DDX4: variants seen among roughly 807,000 people sequenced by gnomAD.
DDX4 encodes the protein DEAD-box helicase 4, also known as probable ATP-dependent RNA helicase DDX4.
A neutral mutation model predicts 100.0 loss-of-function variants in DDX4; 25 were observed. The observed-to-expected ratio is 0.25, with a 90% CI of 0.18 to 0.35. The LOEUF (loss-of-function observed/expected upper bound fraction) is 0.35. Among genes scored for constraint, DDX4 ranks in the 10% least tolerant of loss-of-function variants. The pLI is 1.00. For missense variants in DDX4, 635 were observed against 882.4 expected, an observed-to-expected ratio of 0.72 and a Z score of 3.55; for synonymous variants, 259 against 275.7, an observed-to-expected ratio of 0.94 and a Z score of 0.60.
chr5:55,762,328 G>A (rs976607206), intron 4 of DDX4, among the ~76,000 whole-genome samples: 8 of 151,762 alleles, frequency 5.3e-5, no homozygotes, highest in African/African-American at 1.5e-4. Context: ...CTCTGCTCTC[G>A]AGATTTTTAA....
At position 55,790,594 on chromosome 5, in the gene DDX4, T is replaced by C. The variant is rs1227984694; in HGVS notation, c.1191T>C (p.Val397=). Residue 397 remains valine, a synonymous_variant, in exon 16 of 22, where the codon GTT becomes GTC. Transcript: ENST00000505374. ...TTAATAGGACTTGTGTAAGAGCTGT[T>C]GTTATATATGGGGGAACCCAGCTGG... ...KFSFGTCVRA[V]VIYGGTQLGH... is the part of the protein sequence containing the mutation. 6.3e-7 allele frequency: 1 copy of C among 1,596,138 alleles called. No individual in the cohort carries two copies. Among genetic ancestry groups the C allele is most frequent in the Admixed American group, 1.7e-5 (1 of 59,898 alleles).
At position 55,760,297 on chromosome 5, in the gene DDX4, C is replaced by T. The variant is rs766840526; in HGVS notation, c.205+20C>T. The T allele has an allele frequency of 6.5e-7, 1 of 1,540,780 alleles. No homozygotes were observed. The highest frequency in any genetic ancestry group is 2.5e-5 in the East Asian group (1 of 39,234). On this transcript the variant is annotated intron_variant, in intron 4 of 21. Coordinates refer to ENST00000505374, the MANE Select transcript of DDX4 (RefSeq NM_024415.3). ...ACAGAGGTAAGCATCTTTGTCTTTC[C>T]TTAATCTCCTGAACTGTTGAATAAT...
chr5:55,783,734 G>A (rs906682288), intron 10 of DDX4, among the ~76,000 whole-genome samples: 1 of 151,902 alleles, frequency 6.6e-6, no homozygotes, highest in Non-Finnish European at 1.5e-5. Flanking sequence ...GAATTGGCTC[G>A]TGAGATTATG....
At chr5:55,813,282 T>C (rs1744218083) in intron 18 of DDX4, among the ~76,000 whole-genome samples, 1 of 152,120 alleles carries the variant, frequency 6.6e-6, no homozygotes, top group African/African-American at 2.4e-5. Context: ...CATGGGAGAA[T>C]GAAAGATTGG....
chr5:55,739,673 C>T (rs1758873267), intron 2 of DDX4, among the ~76,000 whole-genome samples: 1 of 151,964 alleles, frequency 6.6e-6, no homozygotes, highest in Non-Finnish European at 1.5e-5. Flanking sequence ...TTTTTGTTCC[C>T]CTTCAGAATT....
intron 3 of DDX4, among the ~76,000 whole-genome samples, chr5:55,747,794 A>G (rs6877003): frequency 0.41 from 61,786 of 152,004 alleles, 14,052 homozygotes; most frequent in African/African-American, 0.59. Flanking sequence ...GAGTTACTAT[A>G]ACTTTACTAT....
At chr5:55,812,043 A>C (rs1744147671) in intron 18 of DDX4, among the ~76,000 whole-genome samples, 1 of 152,178 alleles carries the variant, frequency 6.6e-6, no homozygotes, top group African/African-American at 2.4e-5. Flanking sequence ...CAAAGATTTC[A>C]CTTAATTATG....
intron 17 of DDX4, among the ~76,000 whole-genome samples, chr5:55,796,290 A>C (rs2112087054): frequency 6.6e-6 from 1 of 152,324 alleles, no homozygotes; most frequent in African/African-American, 2.4e-5. Context: ...TTCACTGGCC[A>C]TCTAGGCATC....
intron 19 of DDX4, among the ~76,000 whole-genome samples, chr5:55,814,224 A>C (rs548013574): frequency 2.0e-5 from 3 of 152,240 alleles, no homozygotes; most frequent in Non-Finnish European, 4.4e-5. Flanking sequence ...GTGAAATTAT[A>C]CTTTAAAAAT....
rs1740951485 is a variant in DDX4 at position 55,766,804 on chromosome 5, G to GA, written c.335-1074dup. ...TTAATGATATGTACAAAGATCCCTTGAAACCATCTTTGTATTCCCAAATGT... is the reference window on the plus strand; with the variant it reads ...TTAATGATATGTACAAAGATCCCTTGAAAACCATCTTTGTATTCCCAAATGT... On this transcript the variant is annotated intron_variant, in intron 6 of 21. Coordinates refer to ENST00000505374, the MANE Select transcript of DDX4 (RefSeq NM_024415.3). 8 of 1,104,110 alleles carry GA rather than the reference G, an allele frequency of 7.2e-6. No homozygotes were observed. In the Admixed American group the frequency reaches 2.4e-4, roughly 34 times the overall value. 68.4% of individuals were successfully genotyped at this position (1,104,110 alleles called of 1,614,324 possible). A position where few individuals can be genotyped will look rare whatever the true frequency, so the allele number is the denominator to read the frequency against.
At chr5:55,759,343 G>A (rs1361528242) in intron 3 of DDX4, among the ~76,000 whole-genome samples, 2 of 151,278 alleles carry the variant, frequency 1.3e-5, no homozygotes, top group Middle Eastern at 3.4e-3. Flanking sequence ...AACTTCCATT[G>A]TGAGTTTTTT....
intron 3 of DDX4, among the ~76,000 whole-genome samples, chr5:55,759,001 G>T (rs1452603489): frequency 6.6e-6 from 1 of 150,418 alleles, no homozygotes; most frequent in African/African-American, 2.4e-5. Flanking sequence ...TGATCCTCCT[G>T]CCTTAACCTC....
chr5:55,755,675 T>A (rs904077614), intron 3 of DDX4, among the ~76,000 whole-genome samples: 1 of 152,146 alleles, frequency 6.6e-6, no homozygotes, highest in South Asian at 2.1e-4. Context: ...ACAAGTTGTA[T>A]AGAATTTGTT....
chr5:55,787,906 T>C lies in DDX4; in HGVS notation c.1078T>C (p.Phe360Leu). The C allele has an allele frequency of 6.2e-7, 1 of 1,613,954 alleles. No homozygotes were observed. The highest frequency in any genetic ancestry group is 8.5e-7 in the Non-Finnish European group (1 of 1,179,938). The change falls in exon 15 of 22, where the codon TTT (phenylalanine) becomes CTT (leucine). Residue 360 changes from phenylalanine (F) to leucine (L), a missense_variant. Physicochemically the swap from Phe to Leu is conservative, Grantham distance 22 (BLOSUM62 0). This residue lies in a region of DDX4 where 446 missense variants were observed against 540.8 expected (regional missense o/e 0.82). Transcript: ENST00000505374. ...MMHDGITASR[F>L]KELQEPECII... ...GCATGATGGAATAACTGCCAGTCGT[T>C]TTAAAGAGTTGCAGGAACCAGAGTG...
intron 2 of DDX4, among the ~76,000 whole-genome samples, chr5:55,742,577 TTATTTG>T (rs1561477223): frequency 6.6e-6 from 1 of 152,260 alleles, no homozygotes; most frequent in Non-Finnish European, 1.5e-5. Flanking sequence ...TGCAAAAGGA[TTATTTG>T]TAGCTGCATG....
At chr5:55,796,838 T>TTTTTTTTTTTTTTTTTTTTG (rs1742989324) in intron 17 of DDX4, among the ~76,000 whole-genome samples, 1 of 67,728 alleles carries the variant, frequency 1.5e-5, no homozygotes, top group Non-Finnish European at 2.9e-5. Context: ...TTTTTTTTTT[T>TTTTTTTTTTTTTTTTTTTTG]TTTTTTTTTT....
chr5:55,777,972 A>G (rs1388955853), intron 7 of DDX4, among the ~76,000 whole-genome samples: 2 of 152,210 alleles, frequency 1.3e-5, no homozygotes, highest in Non-Finnish European at 2.9e-5. Flanking sequence ...TAATAAGAAT[A>G]TAGAAGATCT....
chr5:55,742,749 GGA>G (rs1314679799), intron 2 of DDX4, among the ~76,000 whole-genome samples: 1 of 152,186 alleles, frequency 6.6e-6, no homozygotes, highest in African/African-American at 2.4e-5. Flanking sequence ...AGTAGGTGCT[GGA>G]GAGAGAGTGG....
intron 18 of DDX4, among the ~76,000 whole-genome samples, chr5:55,811,222 T>C (rs191160695): frequency 1.4e-4 from 22 of 152,282 alleles, no homozygotes; most frequent in Admixed American, 2.6e-4. Flanking sequence ...TATTAACACC[T>C]TTTATAGCTT....
Sources: gnomAD v4.1 joint callset for allele counts (sites outside exome capture counted in the v4.1 genomes callset) on GRCh38, gnomAD v4.1.1 for gene constraint, gnomAD v4.1.1 regional missense constraint, MANE v1.5 for transcripts, NCBI Gene and HGNC (gene_info 2026-07-23, HGNC 2026-07-21) for gene names.